PYGB: variants seen among roughly 807,000 people sequenced by gnomAD.
PYGB encodes the protein glycogen phosphorylase B, also known as glycogen phosphorylase, brain form.
In PYGB, 82 loss-of-function variants were observed where a neutral mutation model predicts 94.3. That is an observed-to-expected ratio of 0.87 (90% CI 0.73 to 1.04). The LOEUF (loss-of-function observed/expected upper bound fraction) is 1.04. Among genes scored for constraint, PYGB ranks in the 50% least tolerant of loss-of-function variants. The pLI, the probability that PYGB is intolerant of heterozygous loss-of-function variation, is 0.00. For missense variants in PYGB, 1,132 were observed against 1,158.2 expected (o/e 0.98, Z 0.33); for synonymous variants, 488 against 479.1 (o/e 1.02, Z -0.24).
rs1191739979 is a variant in PYGB at position 25,292,537 on chromosome 20, G to T, written c.2101G>T (p.Ala701Ser). ...GTMDGANVEM[A>S]EEAGAENLFI... ...CATGGACGGCGCCAACGTGGAGATG[G>T]CCGAGGAGGCCGGGGCCGAGAACCT... The change falls in exon 17 of 20, where the codon GCC (alanine) becomes TCC (serine). Residue 701 changes from alanine to serine, a missense_variant. Transcript: ENST00000216962. The T allele has an allele frequency of 1.2e-6, 2 of 1,613,338 alleles. No homozygotes were observed. The highest frequency in any genetic ancestry group is 1.7e-5 in the Admixed American group (1 of 59,994).
intron 2 of PYGB, among the ~76,000 whole-genome samples, chr20:25,260,573 G>A (rs2092911141): frequency 6.6e-6 from 1 of 152,224 alleles, no homozygotes; most frequent in African/African-American, 2.4e-5. Context: ...CAGAAGATGG[G>A]TGATTTCTGC....
chr20:25,255,044 T>G (rs1189135520), intron 1 of PYGB, among the ~76,000 whole-genome samples: 2 of 152,218 alleles, frequency 1.3e-5, no homozygotes, highest in Admixed American at 1.3e-4. Flanking sequence ...CTGCCCACTG[T>G]TCATGGGAAG....
At position 25,250,725 on chromosome 20, in the gene PYGB, C is replaced by T. The variant is rs180731088; in HGVS notation, c.243+2304C>T. The stretch of plus-strand genomic sequence containing the variant: ...GCCAGAAATGACCTCAGACATTCAC[C>T]GGCACACTGCAGACTGTGGTAATGT... On this transcript the variant is annotated intron_variant, in intron 1 of 19. Transcript: ENST00000216962. Among the ~76,000 whole-genome samples, 198 of 152,224 alleles carry T rather than the reference C, an allele frequency of 1.3e-3. 1 individual carries two copies. Among genetic ancestry groups the T allele is most frequent in the African/African-American group, 4.6e-3 (190 of 41,534 alleles).
At chr20:25,280,119 T>G in intron 9 of PYGB, 147 bp from the exon 10 acceptor site, 2 of 951,856 alleles carry the variant, frequency 2.1e-6, no homozygotes, top group Non-Finnish European at 3.1e-6. Context: ...GGGCTCCAGA[T>G]CCACCTTGGA....
At chr20:25,272,056 A>T (rs755114247) in intron 4 of PYGB, among the ~76,000 whole-genome samples, 1 of 152,146 alleles carries the variant, frequency 6.6e-6, no homozygotes, top group African/African-American at 2.4e-5. Context: ...GCTAAGTGAG[A>T]TGGTTGAGAC....
At chr20:25,258,465 T>A (rs1369020089) in intron 1 of PYGB, among the ~76,000 whole-genome samples, 1 of 152,228 alleles carries the variant, frequency 6.6e-6, no homozygotes, top group Non-Finnish European at 1.5e-5. Context: ...TCAGGGGAGA[T>A]GTTGGCTGTG....
intron 5 of PYGB, among the ~76,000 whole-genome samples, chr20:25,275,094 G>C (rs1467084964): frequency 1.3e-5 from 2 of 152,214 alleles, no homozygotes; most frequent in African/African-American, 2.4e-5. Flanking sequence ...GGACCCCCAG[G>C]GTGGGCGAAA....
In PYGB at chr20:25,269,161, A is replaced by G. The variant is rs753105303; in HGVS notation, c.378A>G (p.Ile126Met). Residue 126 changes from isoleucine to methionine, a missense_variant, in exon 3 of 20, where the codon ATA (isoleucine) becomes ATG (methionine). Physicochemically the swap from Ile to Met is conservative, Grantham distance 10 (BLOSUM62 1). Transcript: ENST00000216962. ...LGLDLEELEE[I>M]EEDAGLGNGG... ...TAGACTTGGAGGAACTCGAGGAGAT[A>G]GAAGAAGATGCTGGCCTTGGGAATG... 11 of 1,600,522 alleles carry G rather than the reference A, an allele frequency of 6.9e-6. No homozygotes were observed. In the Admixed American group the frequency reaches 8.3e-5, roughly 12 times the overall value.
rs200921970 is a variant in PYGB, at chr20:25,294,301, G to C, written c.2312+9G>C. On this transcript the variant is annotated intron_variant, in intron 18 of 19. Transcript: ENST00000216962. Reference sequence around the variant, plus strand: ...CTGATGCACCATGACAGGTGGGACCGACTTCCCTGGTTGGGTGGCTGGGAG... The same window carrying C: ...CTGATGCACCATGACAGGTGGGACCCACTTCCCTGGTTGGGTGGCTGGGAG... The C allele has an allele frequency of 9.8e-6, 11 of 1,125,068 alleles. No homozygotes were observed. Among genetic ancestry groups the C allele is most frequent in the African/African-American group, 1.6e-5 (1 of 61,548 alleles). The allele number at this position is 1,125,068 out of a possible 1,614,324, so 69.7% of individuals were successfully genotyped here. A position where few individuals can be genotyped will look rare whatever the true frequency, so the allele number is the denominator to read the frequency against.
rs1032583603 is a variant in PYGB, at chr20:25,294,192, G to A, written c.2212G>A (p.Glu738Lys). Reference protein sequence around the residue: ...NAREYYDHLPELKQAVDQISS... With the variant: ...NAREYYDHLPKLKQAVDQISS... The stretch of plus-strand genomic sequence containing the variant: ...CAGGGAGTACTACGACCACCTGCCC[G>A]AGCTGAAGCAGGCCGTGGACCAGAT... Residue 738 changes from glutamate to lysine, a missense_variant, in exon 18 of 20, where the codon GAG becomes AAG. Transcript: ENST00000216962. 1.2e-5 allele frequency: 20 copies of A among 1,613,800 alleles called. No individual in the cohort carries two copies. The highest frequency in any genetic ancestry group is 1.1e-4 in the African/African-American group (8 of 74,936).
In PYGB at chr20:25,297,444, G is replaced by GT. The variant is rs2088565960; in HGVS notation, c.*922_*923insT. The GT allele has an allele frequency of 6.6e-6, 1 of 152,486 alleles. No homozygotes were observed. Among genetic ancestry groups the GT allele is most frequent in the Non-Finnish European group, 1.5e-5 (1 of 68,084 alleles). The allele number at this position is 152,486 out of a possible 1,614,324, so 9.4% of individuals were successfully genotyped here. A position where few individuals can be genotyped will look rare whatever the true frequency, so the allele number is the denominator to read the frequency against. ...CCCGCTGACTCCTGCTGTGTCCTGA[G>GT]GTGCATTTCCTGTTGTACACACAAG... On this transcript the variant is annotated 3_prime_UTR_variant, in exon 20 of 20. Transcript: ENST00000216962.
chr20:25,276,734 C>G lies in PYGB; in HGVS notation c.749C>G (p.Pro250Arg). The change falls in exon 6 of 20, where the codon CCC becomes CGC. Residue 250 changes from proline (P) to arginine (R), a missense_variant. By Grantham distance (103) the Pro-to-Arg change is moderately radical. Transcript: ENST00000216962. ...ATGCGGCTGTGGTCCGCCAAGGCTC[C>G]CAACGACTTCAAGCTGCAGGACTGT... ...NTMRLWSAKAPNDFKLQDFNV... is the reference protein window; with the variant it reads ...NTMRLWSAKARNDFKLQDFNV... The G allele has an allele frequency of 6.2e-7, 1 of 1,613,982 alleles. No individual in the cohort carries two copies. Among genetic ancestry groups the G allele is most frequent in the Non-Finnish European group, 8.5e-7 (1 of 1,179,888 alleles).
chr20:25,256,812 T>A (rs1308387233), intron 1 of PYGB, among the ~76,000 whole-genome samples: 2 of 152,154 alleles, frequency 1.3e-5, no homozygotes, highest in Non-Finnish European at 2.9e-5. Flanking sequence ...GGATTTGGGG[T>A]CATGGAAGAG....
intron 10 of PYGB, 104 bp downstream of exon 10, chr20:25,280,516 C>T (rs1347675002): frequency 4.9e-6 from 7 of 1,433,950 alleles, no homozygotes; most frequent in Admixed American, 1.8e-5. Context: ...GAACGAGGCA[C>T]CCTCTGTTCA....
chr20:25,271,638 T>G, intron 4 of PYGB, 152 bp downstream of exon 4: 1 of 792,772 alleles, frequency 1.3e-6, no homozygotes, highest in South Asian at 1.7e-5. Flanking sequence ...GGTAGCATCC[T>G]TGCTCCGGCT....
intron 14 of PYGB, among the ~76,000 whole-genome samples, chr20:25,286,887 C>T (rs541297405): frequency 2.6e-5 from 4 of 152,238 alleles, no homozygotes; most frequent in Non-Finnish European, 5.9e-5. Context: ...TCCTTCTTTC[C>T]TAGTTGTGGT....
In PYGB at chr20:25,277,258, T is replaced by G. The variant is rs1389526726; in HGVS notation, c.787T>G (p.Tyr263Asp). Reference protein sequence around the residue: ...FKLQDFNVGDYIEAVLDRNLA... With the variant: ...FKLQDFNVGDDIEAVLDRNLA... The stretch of plus-strand genomic sequence containing the variant: ...TTTCTTCTTAGTCAACGTGGGAGAC[T>G]ACATCGAGGCGGTCCTGGACCGGAA... Residue 263 changes from tyrosine to aspartate, a missense_variant, in exon 7 of 20, where the codon TAC becomes GAC. Physicochemically the swap from Tyr to Asp is radical, Grantham distance 160 (BLOSUM62 -3). Coordinates refer to ENST00000216962, the MANE Select transcript of PYGB (RefSeq NM_002862.4). 16 of 1,572,514 alleles carry G rather than the reference T, an allele frequency of 1.0e-5. No homozygotes were observed. Among genetic ancestry groups the G allele is most frequent in the African/African-American group, 1.4e-5 (1 of 73,952 alleles).
chr20:25,280,447 G>A lies in PYGB; in HGVS notation c.1239+35G>A, dbSNP rs201233980. On this transcript the variant is annotated intron_variant, in intron 10 of 19. Transcript: ENST00000216962. ...GGCCCAGCTGGCCGTGTAGGGTGGC[G>A]GCTACACCCATGCCAACGGCCCCCC... 7 of 1,607,450 alleles carry A rather than the reference G, an allele frequency of 4.4e-6. No homozygotes were observed. In the South Asian group the frequency reaches 4.4e-5, roughly 10 times the overall value.
At chr20:25,282,258 C>T (rs1005677271) in intron 12 of PYGB, 111 bp downstream of exon 12, 12 of 845,174 alleles carry the variant, frequency 1.4e-5, no homozygotes, top group African/African-American at 3.4e-5. Context: ...CTGTCCCTCA[C>T]GTGTTGACCT....
Sources: gnomAD v4.1 joint callset for allele counts (sites outside exome capture counted in the v4.1 genomes callset) on GRCh38, gnomAD v4.1.1 for gene constraint, MANE v1.5 for transcripts, NCBI Gene and HGNC (gene_info 2026-07-23, HGNC 2026-07-21) for gene names.